The following FBXO17 variants were observed in gnomAD, a reference collection of about 807,000 sequenced individuals.
The protein encoded by FBXO17 is F-box protein 17.
In FBXO17, 43 loss-of-function variants were observed where a neutral mutation model predicts 34.1. That is an observed-to-expected ratio of 1.26 (90% CI 0.99 to 1.62). The LOEUF is 1.62. FBXO17 is among the 40% of genes most tolerant of loss of function. FBXO17 has a pLI of 0.00. For missense variants in FBXO17, 424 were observed against 386.7 expected (o/e 1.10, Z -0.81); for synonymous variants, 169 against 166.0 (o/e 1.02, Z -0.14).
intron 2 of FBXO17, 155 bp downstream of exon 2, chr19:38,949,816 G>A: frequency 3.2e-6 from 3 of 946,636 alleles, no homozygotes; most frequent in Non-Finnish European, 4.5e-6. Context: ...CGCCCACCGG[G>A]CCTACCGCCC....
Position 38,950,015 on chromosome 19 carries a change from C to A in FBXO17, c.305G>T (p.Arg102Leu), listed in dbSNP as rs1433054712. ...GATGAGATTGCGGCCGAAGGGCGCG[C>A]GCAGACAGTAGCGCGCCAGGGCGCA... ...PLCALARYCL[R>L]APFGRNLIFN... Residue 102 changes from arginine (R) to leucine (L), a missense_variant, in exon 2 of 6, where the codon CGC becomes CTC. Arg to Leu is a moderately radical substitution (Grantham distance 102). Coordinates refer to ENST00000292852, the MANE Select transcript of FBXO17 (RefSeq NM_024907.7). The A allele has an allele frequency of 6.4e-7, 1 of 1,560,030 alleles. No homozygotes were observed. The highest frequency in any genetic ancestry group is 2.4e-5 in the East Asian group (1 of 41,522).
At chr19:38,956,030 C>T (rs1043101838) in intron 1 of FBXO17, among the ~76,000 whole-genome samples, 4 of 152,014 alleles carry the variant, frequency 2.6e-5, no homozygotes, top group African/African-American at 7.2e-5. Context: ...CTTTGGGAGG[C>T]TTAGGTGAGC....
At position 38,965,334 on chromosome 19, in the gene FBXO17, CT is replaced by C. The variant is rs11376869; in HGVS notation, c.-18+10251del. On this transcript the variant is annotated intron_variant, in intron 1 of 5. Transcript: ENST00000292852. ...GCCATCTCAACATTCTTTTTCTTTTCTTTTTTTTTTTTGAGATGGAGTCTCT... is the reference window on the plus strand; with the variant it reads ...GCCATCTCAACATTCTTTTTCTTTTCTTTTTTTTTTTGAGATGGAGTCTCT... Among the ~76,000 whole-genome samples the C allele has an allele frequency of 8.3e-3, 1,197 of 143,358 alleles. 5 individuals are homozygous for C. The highest frequency in any genetic ancestry group is 0.013 in the Non-Finnish European group (848 of 65,928). The allele number at this position is 143,358 out of a possible 152,430, so 94.0% of individuals were successfully genotyped here. A position where few individuals can be genotyped will look rare whatever the true frequency, so the allele number is the denominator to read the frequency against.
chr19:38,952,937 A>T (rs12608890), intron 1 of FBXO17: 139,594 of 427,632 alleles, frequency 0.33, 24,462 homozygotes, highest in East Asian at 0.57. Flanking sequence ...TCCCTTTCAT[A>T]TTTTACTCCC....
intron 1 of FBXO17, among the ~76,000 whole-genome samples, chr19:38,956,985 C>T (rs1975175728): frequency 6.6e-6 from 1 of 152,136 alleles, no homozygotes; most frequent in African/African-American, 2.4e-5. Flanking sequence ...TTAATTTTCA[C>T]AGGTGTGAGC....
At chr19:38,959,427 C>T (rs1040336197) in intron 1 of FBXO17, among the ~76,000 whole-genome samples, 6 of 150,936 alleles carry the variant, frequency 4.0e-5, no homozygotes, top group Admixed American at 2.0e-4. Flanking sequence ...TACAGGCACA[C>T]GCCACCATGC....
intron 1 of FBXO17, among the ~76,000 whole-genome samples, chr19:38,963,238 G>A (rs1365332234): frequency 6.6e-6 from 1 of 151,858 alleles, no homozygotes; most frequent in East Asian, 1.9e-4. Flanking sequence ...TGAGTTGTAG[G>A]CATGGCTTAG....
intron 1 of FBXO17, among the ~76,000 whole-genome samples, chr19:38,960,214 G>C (rs546924708): frequency 3.3e-5 from 5 of 152,094 alleles, no homozygotes; most frequent in African/African-American, 1.2e-4. Context: ...ATACCTCTGT[G>C]AATCATGATA....
chr19:38,954,605 GT>G (rs1975135959), intron 1 of FBXO17, among the ~76,000 whole-genome samples: 1 of 103,642 alleles, frequency 9.6e-6, no homozygotes, highest in Non-Finnish European at 1.9e-5. Context: ...TTGAGACAGA[GT>G]TTCACTCTTG....
At chr19:38,951,285 C>T (rs1298409493) in intron 1 of FBXO17, among the ~76,000 whole-genome samples, 1 of 152,140 alleles carries the variant, frequency 6.6e-6, no homozygotes, top group Non-Finnish European at 1.5e-5. Context: ...CCTGCCTCAG[C>T]CTCCCAAGTA....
At chr19:38,955,113 A>T (rs1003067064) in intron 1 of FBXO17, among the ~76,000 whole-genome samples, 1 of 151,072 alleles carries the variant, frequency 6.6e-6, no homozygotes, top group African/African-American at 2.4e-5. Flanking sequence ...TTGTATTTTT[A>T]GTAGAGACGG....
chr19:38,957,598 C>T (rs1413167552), intron 1 of FBXO17, among the ~76,000 whole-genome samples: 2 of 152,162 alleles, frequency 1.3e-5, no homozygotes, highest in Non-Finnish European at 2.9e-5. Context: ...CCCGCCTAGG[C>T]CTCCCAAAGT....
At chr19:38,950,937 G>A (rs1410363920) in intron 1 of FBXO17, among the ~76,000 whole-genome samples, 3 of 151,606 alleles carry the variant, frequency 2.0e-5, no homozygotes, top group Admixed American at 6.6e-5. Flanking sequence ...AACTACAGGC[G>A]CCCGCCACCA....
At chr19:38,962,303 A>T (rs1005308274) in intron 1 of FBXO17, among the ~76,000 whole-genome samples, 1 of 152,028 alleles carries the variant, frequency 6.6e-6, no homozygotes, top group Non-Finnish European at 1.5e-5. Context: ...CGCTGGAGAG[A>T]CGTTGTAGGA....
intron 1 of FBXO17, among the ~76,000 whole-genome samples, chr19:38,971,820 C>T (rs1975394636): frequency 6.6e-6 from 1 of 151,882 alleles, no homozygotes; most frequent in Admixed American, 6.6e-5. Flanking sequence ...GAAAAAGGGC[C>T]CAGCTGCAGC....
chr19:38,954,895 TTTATTATTATTATTATTATTATTA>T (rs139274792), intron 1 of FBXO17, among the ~76,000 whole-genome samples: 2,425 of 134,214 alleles, frequency 0.018, 91 homozygotes, highest in African/African-American at 0.059. Flanking sequence ...AATGTGTTAT[TTTATTATTATTATTATTATTATTA>T]TTATTATTAT....
At chr19:38,952,030 G>A (rs553402828) in intron 1 of FBXO17, among the ~76,000 whole-genome samples, 186 of 147,096 alleles carry the variant, frequency 1.3e-3, no homozygotes, top group African/African-American at 4.6e-3. Context: ...GGCTCACTGC[G>A]ACCTCCGCCT....
chr19:38,943,439 A>G (rs1974924468), intron 5 of FBXO17, among the ~76,000 whole-genome samples: 4 of 150,604 alleles, frequency 2.7e-5, no homozygotes, highest in Admixed American at 2.6e-4. Flanking sequence ...ATGCCCGGCT[A>G]ATTTTTGTAT....
rs1974905500 is a variant in FBXO17 at position 38,942,582 on chromosome 19, GACA to G, written c.*23_*25del. 1.3e-6 allele frequency: 2 copies of G among 1,522,092 alleles called. No individual in the cohort carries two copies. The highest frequency in any genetic ancestry group is 1.4e-5 in the African/African-American group (1 of 69,878). 94.3% of individuals were successfully genotyped at this position (1,522,092 alleles called of 1,614,324 possible). A position where few individuals can be genotyped will look rare whatever the true frequency, so the allele number is the denominator to read the frequency against. ...CCTGGCTGCAAGGCTGGTCTTGACT[GACA>G]ACGTCAGGCAGTAGTCCAGTCGCTA... On this transcript the variant is annotated 3_prime_UTR_variant, in exon 6 of 6. Transcript: ENST00000292852.
Sources: gnomAD v4.1 joint callset for allele counts (sites outside exome capture counted in the v4.1 genomes callset) on GRCh38, gnomAD v4.1.1 for gene constraint, MANE v1.5 for transcripts, NCBI Gene and HGNC (gene_info 2026-07-23, HGNC 2026-07-21) for gene names.